Variants in SGSM2 observed in about 807,000 individuals in gnomAD.
SGSM2 encodes the protein small G protein signaling modulator 2, also known as RUN and TBC1 domain containing 1.
In SGSM2, 89 loss-of-function variants were observed where a neutral mutation model predicts 126.6. That is an observed-to-expected ratio of 0.70 (90% confidence interval 0.59 to 0.84). SGSM2 has a LOEUF of 0.84. Ranked by LOEUF, SGSM2 falls within the 40% of genes least tolerant of loss-of-function variation. The probability of loss-of-function intolerance (pLI) is 0.00; values close to 1 mark genes in which losing one functional copy is unlikely to be tolerated. For missense variants in SGSM2, 1,404 were observed against 1,416.6 expected (o/e 0.99, Z 0.14); for synonymous variants, 614 against 574.3 (o/e 1.07, Z -0.99).
At chr17:2,345,825 C>T (rs1469023919) in intron 2 of SGSM2, among the ~76,000 whole-genome samples, 1 of 152,058 alleles carries the variant, frequency 6.6e-6, no homozygotes, top group Non-Finnish European at 1.5e-5. Flanking sequence ...AATCCTTATG[C>T]TTTGTCAAAA....
At chr17:2,343,460 AG>A in intron 1 of SGSM2, 84 bp from the exon 2 acceptor site, 1 of 1,379,468 alleles carries the variant, frequency 7.2e-7, no homozygotes, top group Non-Finnish European at 1.0e-6. Flanking sequence ...TCAGACCAGA[AG>A]GGCGGAACCA....
chr17:2,372,435 G>C lies in SGSM2; in HGVS notation c.1735G>C (p.Ala579Pro), dbSNP rs779144891. 2 of 1,597,950 alleles carry C rather than the reference G, an allele frequency of 1.3e-6. No homozygotes were observed. The highest frequency in any genetic ancestry group is 1.3e-5 in the African/African-American group (1 of 74,236). The part of the protein sequence containing the change: ...SVIPPDRPPG[A>P]SAGLTKDVWS... ...TATCCCACCTGACCGGCCCCCGGGG[G>C]CCTCCGCGGGCCTCACCAAGGACGT... is the stretch of plus-strand genomic sequence containing the variant. The change falls in exon 15 of 24, where the codon GCC (alanine) becomes CCC (proline). Residue 579 changes from alanine to proline, a missense_variant. Transcript: ENST00000268989. The surrounding 1 kb of genome is among the most constrained non-coding windows in gnomAD (Gnocchi z 6.0).
intron 2 of SGSM2, among the ~76,000 whole-genome samples, chr17:2,352,882 A>C (rs2064924684): frequency 8.1e-6 from 1 of 123,940 alleles, no homozygotes. Context: ...GGTTCACGCC[A>C]TTCTCCTGCC....
rs200286408 is a variant in SGSM2 at position 2,379,522 on chromosome 17, C to T, written c.*2C>T. ...CAGATGCTCATAGAGAACAAGTGAGCTGGGGCCAGGAGGCAGCAGCCGTGC... is the reference window on the plus strand; with the variant it reads ...CAGATGCTCATAGAGAACAAGTGAGTTGGGGCCAGGAGGCAGCAGCCGTGC... On this transcript the variant is annotated 3_prime_UTR_variant, in exon 24 of 24. Coordinates refer to ENST00000268989, the MANE Select transcript of SGSM2 (RefSeq NM_014853.3). 2.3e-5 allele frequency: 37 copies of T among 1,610,660 alleles called. No individual in the cohort carries two copies. In the African/African-American group the frequency reaches 4.5e-4, roughly 20 times the overall value.
intron 12 of SGSM2, among the ~76,000 whole-genome samples, chr17:2,370,363 G>A (rs997498814): frequency 2.0e-5 from 3 of 152,240 alleles, no homozygotes; most frequent in East Asian, 1.9e-4. Context: ...AGCTCTCGAG[G>A]GTCTTGAGTT....
In SGSM2 at chr17:2,363,151, C is replaced by T. The variant is rs1192568995; in HGVS notation, c.672+17C>T. On this transcript the variant is annotated intron_variant, in intron 6 of 23. Transcript: ENST00000268989. The surrounding 1 kb of genome is among the most constrained non-coding windows in gnomAD (Gnocchi z 4.2). ...GCCCTGGGGGTAGGTGCCCCCTCCC[C>T]ACCCTTTGGGCTCATCTGGGCTATG... 2.5e-6 allele frequency: 4 copies of T among 1,580,318 alleles called. No individual in the cohort carries two copies. Among genetic ancestry groups the T allele is most frequent in the South Asian group, 1.1e-5 (1 of 87,846 alleles).
Position 2,367,418 on chromosome 17 carries a change from C to T in SGSM2, c.1423+13C>T, listed in dbSNP as rs748729931. Reference sequence around the variant, plus strand: ...AATCCGATGAAAGGTTCTTATCCCTCCCTCTCCCTGACCCACCTCATCCCC... The same window carrying T: ...AATCCGATGAAAGGTTCTTATCCCTTCCTCTCCCTGACCCACCTCATCCCC... On this transcript the variant is annotated intron_variant, in intron 12 of 23. Coordinates refer to ENST00000268989, the MANE Select transcript of SGSM2 (RefSeq NM_014853.3). This position sits in a 1 kb window ranked among gnomAD's most constrained non-coding sequence, Gnocchi z 4.0. The T allele has an allele frequency of 6.2e-7, 1 of 1,610,398 alleles. No homozygotes were observed. The highest frequency in any genetic ancestry group is 1.3e-5 in the African/African-American group (1 of 74,874).
intron 2 of SGSM2, among the ~76,000 whole-genome samples, chr17:2,344,277 T>C (rs534327419): frequency 3.3e-5 from 5 of 152,328 alleles, no homozygotes; most frequent in African/African-American, 1.2e-4. Context: ...CTGAAGACTT[T>C]TGCTTTGTAG....
chr17:2,360,608 TCTCACACTAGCC>T (rs1331679683), intron 2 of SGSM2, among the ~76,000 whole-genome samples: 1 of 152,232 alleles, frequency 6.6e-6, no homozygotes, highest in Non-Finnish European at 1.5e-5. Context: ...TCATGTGACA[TCTCACACTAGCC>T]CTCTTCCCAT....
Position 2,337,557 on chromosome 17 carries a change from G to T in SGSM2, c.-132G>T. 4 of 363,038 alleles carry T rather than the reference G, an allele frequency of 1.1e-5. No homozygotes were observed. Among genetic ancestry groups the T allele is most frequent in the Non-Finnish European group, 1.6e-5 (4 of 250,348 alleles). The allele number at this position is 363,038 out of a possible 1,614,324, so 22.5% of individuals were successfully genotyped here. ...AGCACCGGGCAGTGGCTGCGGCGGCGGCGGCGGCGGCGGGCCGGGAGCGCG... is the reference window on the plus strand; with the variant it reads ...AGCACCGGGCAGTGGCTGCGGCGGCTGCGGCGGCGGCGGGCCGGGAGCGCG... On this transcript the variant is annotated 5_prime_UTR_variant, in exon 1 of 24. Transcript: ENST00000268989. This position sits in a 1 kb window ranked among gnomAD's most constrained non-coding sequence, Gnocchi z 5.1.
At chr17:2,365,533 A>G (rs368874967) in intron 11 of SGSM2, among the ~76,000 whole-genome samples, 192 bp downstream of exon 11, 1 of 152,016 alleles carries the variant, frequency 6.6e-6, no homozygotes. Flanking sequence ...CGTCTCTTCT[A>G]CCCAGCTCCC....
In SGSM2 at chr17:2,362,462, C is replaced by T. The variant is rs2065360072; in HGVS notation, c.458+192C>T. ...AAACTGCAGGTGACCGCCCCGTTCCCCAAAAACTGCAGGTGACCGCCCCGT... is the reference window on the plus strand; with the variant it reads ...AAACTGCAGGTGACCGCCCCGTTCCTCAAAAACTGCAGGTGACCGCCCCGT... On this transcript the variant is annotated intron_variant, in intron 4 of 23. Coordinates refer to ENST00000268989, the MANE Select transcript of SGSM2 (RefSeq NM_014853.3). This position sits in a 1 kb window ranked among gnomAD's most constrained non-coding sequence, Gnocchi z 4.9. Among the ~76,000 whole-genome samples the T allele has an allele frequency of 6.6e-6, 1 of 150,448 alleles. No homozygotes were observed. The highest frequency in any genetic ancestry group is 1.5e-5 in the Non-Finnish European group (1 of 67,616).
intron 12 of SGSM2, among the ~76,000 whole-genome samples, chr17:2,369,142 G>A (rs1276803324): frequency 6.6e-6 from 1 of 152,186 alleles, no homozygotes; most frequent in Non-Finnish European, 1.5e-5. Flanking sequence ...CGGTTGGGGA[G>A]AGGGCTGGGG....
chr17:2,364,533 C>CAAGGAAGG, intron 8 of SGSM2, 63 bp from the exon 9 acceptor site: 2 of 1,567,210 alleles, frequency 1.3e-6, no homozygotes, highest in Non-Finnish European at 1.8e-6. Flanking sequence ...GACCAGGAGA[C>CAAGGAAGG]AAGGAAGGAA....
At chr17:2,338,613 G>A (rs191607142) in intron 1 of SGSM2, among the ~76,000 whole-genome samples, 50 of 152,096 alleles carry the variant, frequency 3.3e-4, no homozygotes, top group African/African-American at 1.1e-3. Flanking sequence ...TTTGTCCACT[G>A]CCTTGTATCC....
chr17:2,372,521 G>T lies in SGSM2; in HGVS notation c.1788+33G>T. 6.3e-7 allele frequency: 1 copy of T among 1,591,138 alleles called. No individual in the cohort carries two copies. Among genetic ancestry groups the T allele is most frequent in the Non-Finnish European group, 8.5e-7 (1 of 1,173,140 alleles). ...CCCTGGGGTTCCAGGGCCACAGGTC[G>T]AGGGGCTGGGGCGGGCAGGAGTGAG... On this transcript the variant is annotated intron_variant, in intron 15 of 23. Coordinates refer to ENST00000268989, the MANE Select transcript of SGSM2 (RefSeq NM_014853.3). This position sits in a 1 kb window ranked among gnomAD's most constrained non-coding sequence, Gnocchi z 6.0.
intron 2 of SGSM2, among the ~76,000 whole-genome samples, chr17:2,350,076 C>G (rs2064785645): frequency 6.6e-6 from 1 of 151,702 alleles, no homozygotes; most frequent in South Asian, 2.1e-4. Flanking sequence ...CGTAAGCCAC[C>G]ACGCCTGGCC....
Position 2,373,394 on chromosome 17 carries a change from G to T in SGSM2, c.1981G>T (p.Val661Leu). Residue 661 changes from valine (V) to leucine (L), a missense_variant, in exon 17 of 24, where the codon GTG (valine) becomes TTG (leucine). Physicochemically the swap from Val to Leu is conservative, Grantham distance 32 (BLOSUM62 1). Transcript: ENST00000268989. ...GGCAGAGTGGAAGGCCTGCGAGGTG[G>T]TGGTGAGGCAGCGGGAGCGGGAGGC... Reference protein sequence around the residue: ...VLAEWKACEVVVRQREREAHP... With the variant: ...VLAEWKACEVLVRQREREAHP... 6.2e-7 allele frequency: 1 copy of T among 1,612,894 alleles called. No individual in the cohort carries two copies. Among genetic ancestry groups the T allele is most frequent in the Admixed American group, 1.7e-5 (1 of 60,016 alleles).
Position 2,377,878 on chromosome 17 carries a change from G to C in SGSM2, c.2824G>C (p.Glu942Gln). The change falls in exon 22 of 24, where the codon GAG becomes CAG. Residue 942 changes from glutamate (E) to glutamine (Q), a missense_variant. Glu to Gln is a conservative substitution (Grantham distance 29). Transcript: ENST00000268989. Reference sequence around the variant, plus strand: ...TAAGATCCTGGACTCAGAGCTGTTTGAGCTGATGCATCAGAATGGAGACTA... The same window carrying C: ...TAAGATCCTGGACTCAGAGCTGTTTCAGCTGATGCATCAGAATGGAGACTA... ...LIQILDSELF[E>Q]LMHQNGDYTH... 1 of 1,611,884 alleles carries C rather than the reference G, an allele frequency of 6.2e-7. No homozygotes were observed. The highest frequency in any genetic ancestry group is 1.1e-5 in the South Asian group (1 of 91,026).
Sources: allele counts gnomAD v4.1 joint callset (sites outside exome capture counted in the v4.1 genomes callset), GRCh38; gene constraint gnomAD v4.1.1; non-coding constraint Gnocchi (gnomAD v3.1); transcripts MANE v1.5; gene names NCBI Gene and HGNC (gene_info 2026-07-23, HGNC 2026-07-21).